Variants in CADPS2 observed in about 807,000 individuals in gnomAD.
CADPS2 encodes calcium-dependent secretion activator 2.
Under a neutral mutation model 172.5 loss-of-function variants are expected in CADPS2, and 93 were observed. The ratio of observed to expected loss-of-function variants is 0.54; its 90% CI spans 0.46 to 0.64. CADPS2 has a LOEUF of 0.64. CADPS2 is among the 30% of genes least tolerant of loss of function. CADPS2 has a pLI of 0.00. For synonymous variants in CADPS2, 546 were observed against 555.2 expected (o/e 0.98, Z 0.23); for missense variants, 1,420 against 1,565.9 (o/e 0.91, Z 1.57).
chr7:122,359,636 T>C (rs2039877784), intron 27 of CADPS2, among the ~76,000 whole-genome samples: 1 of 152,154 alleles, frequency 6.6e-6, no homozygotes, highest in African/African-American at 2.4e-5. Context: ...ATATCAAACA[T>C]AAAATCTCCC....
chr7:122,641,859 C>T (rs577517201), intron 3 of CADPS2, among the ~76,000 whole-genome samples: 30 of 141,580 alleles, frequency 2.1e-4, no homozygotes, highest in Non-Finnish European at 3.5e-4. Flanking sequence ...TCATATGTTA[C>T]GTTAAAAAAA....
intron 3 of CADPS2, among the ~76,000 whole-genome samples, chr7:122,648,102 G>A (rs190607604): frequency 1.1e-4 from 17 of 152,216 alleles, no homozygotes; most frequent in African/African-American, 3.9e-4. Context: ...GACTTGGTAA[G>A]CAGGTGGCAT....
intron 17 of CADPS2, among the ~76,000 whole-genome samples, chr7:122,429,489 T>G (rs2049603325): frequency 6.6e-6 from 1 of 152,002 alleles, no homozygotes; most frequent in Non-Finnish European, 1.5e-5. Flanking sequence ...ACAATTTGTA[T>G]CTAACAATTT....
intron 28 of CADPS2, among the ~76,000 whole-genome samples, chr7:122,328,160 C>CACAT (rs398006075): frequency 9.1e-6 from 1 of 109,486 alleles, no homozygotes; most frequent in African/African-American, 3.5e-5. Context: ...CACACACACA[C>CACAT]GCACGCACAC....
At chr7:122,560,043 G>A (rs1374553542) in intron 7 of CADPS2, among the ~76,000 whole-genome samples, 9 of 152,078 alleles carry the variant, frequency 5.9e-5, no homozygotes, top group African/African-American at 2.2e-4. Flanking sequence ...AAAAGAGAGA[G>A]GTGACTGGAG....
At chr7:122,432,087 G>T (rs2050011426) in intron 17 of CADPS2, among the ~76,000 whole-genome samples, 2 of 151,822 alleles carry the variant, frequency 1.3e-5, no homozygotes, top group African/African-American at 4.8e-5. Context: ...TTTGGCTTTT[G>T]TGACGCAGCT....
rs188515060 is a variant in CADPS2, at chr7:122,529,649, G to T, written c.1476-16334C>A. On this transcript the variant is annotated intron_variant, in intron 8 of 29. Coordinates refer to ENST00000449022, the MANE Select transcript of CADPS2 (RefSeq NM_017954.11). The stretch of plus-strand genomic sequence containing the variant: ...ACTTTTAAATATATTTTTCCTCCCT[G>T]TCTTTTGGATGGCACCATCTAAACA... Among the ~76,000 whole-genome samples, 136 of 152,150 alleles carry T rather than the reference G, an allele frequency of 8.9e-4. 2 individuals carry two copies. In the East Asian group the frequency reaches 0.018, roughly 20 times the overall value.
chr7:122,802,387 T>A (rs1278985379), intron 1 of CADPS2, among the ~76,000 whole-genome samples: 1 of 152,226 alleles, frequency 6.6e-6, no homozygotes, highest in Non-Finnish European at 1.5e-5. Flanking sequence ...TCCCTCTGCG[T>A]CACATGCTGT....
chr7:122,408,405 C>T lies in CADPS2; in HGVS notation c.2590-709G>A, dbSNP rs139211732. ...AAAAGTGTTTGCTCACATCCATTCT[C>T]CATTCAGCAGCCAGTCATCATTTCA... is the stretch of plus-strand genomic sequence containing the variant. On this transcript the variant is annotated intron_variant, in intron 19 of 29. Transcript: ENST00000449022. Among the ~76,000 whole-genome samples, 35 of 152,168 alleles carry T rather than the reference C, an allele frequency of 2.3e-4. No homozygotes were observed. The East Asian group carries it at 6.6e-3, about 29-fold the overall frequency.
At chr7:122,527,611 AGAGAGAGTGTGTGTGTGT>A (rs1407830482) in intron 8 of CADPS2, among the ~76,000 whole-genome samples, 1 of 110,736 alleles carries the variant, frequency 9.0e-6, no homozygotes, top group African/African-American at 3.4e-5. Flanking sequence ...AGAGAGAGAG[AGAGAGAGTGTGTGTGTGT>A]GTGTGTGTGT....
At chr7:122,600,036 CTG>C (rs988208644) in intron 6 of CADPS2, among the ~76,000 whole-genome samples, 1 of 152,060 alleles carries the variant, frequency 6.6e-6, no homozygotes, top group Non-Finnish European at 1.5e-5. Context: ...TGCTATAAAA[CTG>C]TGAACTATTT....
intron 2 of CADPS2, among the ~76,000 whole-genome samples, chr7:122,689,959 G>A (rs2136014454): frequency 6.6e-6 from 1 of 152,278 alleles, no homozygotes; most frequent in Non-Finnish European, 1.5e-5. Flanking sequence ...AAAGCTTGAT[G>A]TGTTGCATCC....
intron 7 of CADPS2, among the ~76,000 whole-genome samples, chr7:122,580,043 T>G (rs1451927428): frequency 6.6e-6 from 1 of 152,180 alleles, no homozygotes; most frequent in African/African-American, 2.4e-5. Flanking sequence ...TTTTTGCATC[T>G]AGCACTGTAC....
At chr7:122,868,285 C>T (rs1818812206) in intron 1 of CADPS2, among the ~76,000 whole-genome samples, 2 of 151,928 alleles carry the variant, frequency 1.3e-5, no homozygotes, top group Non-Finnish European at 2.9e-5. Context: ...CAACTATCTC[C>T]CCAGGTTAAA....
At chr7:122,480,737 G>T (rs2057189958) in intron 12 of CADPS2, 115 bp downstream of exon 12, 5 of 648,258 alleles carry the variant, frequency 7.7e-6, no homozygotes, top group Non-Finnish European at 1.2e-5. Flanking sequence ...AATATTCTGG[G>T]TTTGGCTAGA....
At chr7:122,445,153 C>T (rs772823662) in intron 15 of CADPS2, among the ~76,000 whole-genome samples, 5 of 152,116 alleles carry the variant, frequency 3.3e-5, no homozygotes, top group African/African-American at 4.8e-5. Context: ...AATGTTCCCA[C>T]GTTGTCCTTT....
intron 3 of CADPS2, among the ~76,000 whole-genome samples, chr7:122,641,606 A>G (rs2077654246): frequency 6.6e-6 from 1 of 152,226 alleles, no homozygotes; most frequent in East Asian, 1.9e-4. Flanking sequence ...AGGAAAGGCC[A>G]TATGACTTTT....
At chr7:122,421,511 T>G (rs1444650767) in intron 17 of CADPS2, among the ~76,000 whole-genome samples, 4 of 152,216 alleles carry the variant, frequency 2.6e-5, no homozygotes, top group Admixed American at 2.0e-4. Context: ...TGCATTCATT[T>G]CTTCTTTGGT....
At chr7:122,759,981 ATT>A (rs201210175) in intron 1 of CADPS2, among the ~76,000 whole-genome samples, 1 of 148,866 alleles carries the variant, frequency 6.7e-6, no homozygotes. Context: ...ATATAGGTGT[ATT>A]TTATATATAT....
Sources: gnomAD v4.1 joint callset for allele counts (sites outside exome capture counted in the v4.1 genomes callset) on GRCh38, gnomAD v4.1.1 for gene constraint, MANE v1.5 for transcripts, NCBI Gene and HGNC (gene_info 2026-07-23, HGNC 2026-07-21) for gene names.